Variants in SLC2A13 observed in about 807,000 individuals in gnomAD.
SLC2A13 encodes proton myo-inositol cotransporter.
Under a neutral mutation model 64.4 loss-of-function variants are expected in SLC2A13, and 32 were observed. That is an observed-to-expected ratio of 0.50 (90% CI 0.37 to 0.67). SLC2A13 has a LOEUF of 0.67. Among genes scored for constraint, SLC2A13 ranks in the 30% least tolerant of loss-of-function variants. The pLI is 0.00. For missense variants in SLC2A13, 743 were observed against 829.2 expected (o/e 0.90, Z 1.28); for synonymous variants, 338 against 327.1 (o/e 1.03, Z -0.36).
chr12:39,820,609 C>T (rs1942463938), intron 7 of SLC2A13, among the ~76,000 whole-genome samples: 1 of 151,768 alleles, frequency 6.6e-6, no homozygotes. Flanking sequence ...AATTTTATTT[C>T]ATTTATGCTG....
chr12:40,015,442 T>C (rs551523990), intron 3 of SLC2A13, among the ~76,000 whole-genome samples: 1 of 152,332 alleles, frequency 6.6e-6, no homozygotes, highest in East Asian at 1.9e-4. Flanking sequence ...CCTGAGTAGC[T>C]TACTAATTCA....
At chr12:39,965,456 G>A (rs994098082) in intron 3 of SLC2A13, among the ~76,000 whole-genome samples, 7 of 152,148 alleles carry the variant, frequency 4.6e-5, no homozygotes, top group African/African-American at 1.7e-4. Flanking sequence ...CACAGTGAAA[G>A]AGCCTGAGTA....
chr12:40,065,534 G>A (rs1020459436), intron 1 of SLC2A13, among the ~76,000 whole-genome samples: 1 of 152,082 alleles, frequency 6.6e-6, no homozygotes, highest in African/African-American at 2.4e-5. Context: ...GCAGTGAGCT[G>A]TGATCATATC....
chr12:39,894,033 C>T (rs1200293526), intron 4 of SLC2A13, among the ~76,000 whole-genome samples: 3 of 152,144 alleles, frequency 2.0e-5, no homozygotes, highest in Non-Finnish European at 4.4e-5. Context: ...ATGTGTAGTA[C>T]ATTTGATAGG....
intron 7 of SLC2A13, among the ~76,000 whole-genome samples, chr12:39,807,108 A>T (rs1202413980): frequency 6.7e-6 from 1 of 148,638 alleles, no homozygotes; most frequent in Non-Finnish European, 1.5e-5. Flanking sequence ...AGGTTGGTGG[A>T]AAAGTAATTA....
At chr12:40,095,253 CCA>C (rs1938901278) in intron 1 of SLC2A13, among the ~76,000 whole-genome samples, 1 of 152,106 alleles carries the variant, frequency 6.6e-6, no homozygotes, top group South Asian at 2.1e-4. Flanking sequence ...AAGTATCTTG[CCA>C]CAGTGTTTTG....
In SLC2A13 at chr12:40,105,760, T is replaced by C; in HGVS notation, c.49A>G (p.Ser17Gly). The change falls in exon 1 of 10, where the codon AGC (serine) becomes GGC (glycine). Residue 17 changes from serine (S) to glycine (G), a missense_variant. Physicochemically the swap from Ser to Gly is moderately conservative, Grantham distance 56. Coordinates refer to ENST00000280871, the MANE Select transcript of SLC2A13 (RefSeq NM_052885.4). The surrounding 1 kb of genome is among the most constrained non-coding windows in gnomAD (Gnocchi z 4.2). ...CTGCGCCGCTCGCCCATCAGGCTGC[T>C]CAGGCTCCGCAGCGTGTACTCCACA... ...ENVEYTLRSL[S>G]SLMGERRRKQ... 1 of 1,490,568 alleles carries C rather than the reference T, an allele frequency of 6.7e-7. No individual in the cohort carries two copies. Among genetic ancestry groups the C allele is most frequent in the Non-Finnish European group, 8.9e-7 (1 of 1,120,698 alleles). 92.3% of individuals were successfully genotyped at this position (1,490,568 alleles called of 1,614,324 possible).
rs1407228724 is a variant in SLC2A13, at chr12:40,028,643, G to C, written c.717-134C>G. On this transcript the variant is annotated intron_variant, in intron 2 of 9. Coordinates refer to ENST00000280871, the MANE Select transcript of SLC2A13 (RefSeq NM_052885.4). ...GCCAGAATTATTTGTGCATTTATGT[G>C]TGTGTCTGTCACTAGGAAAAAAGGA... 3.8e-6 allele frequency: 3 copies of C among 780,080 alleles called. No homozygotes were observed. In the East Asian group the frequency reaches 8.2e-5, roughly 21 times the overall value. 48.3% of individuals were successfully genotyped at this position (780,080 alleles called of 1,614,324 possible). A position where few individuals can be genotyped will look rare whatever the true frequency, so the allele number is the denominator to read the frequency against.
chr12:39,936,639 T>C lies in SLC2A13; in HGVS notation c.1034+14618A>G, dbSNP rs912715016. 2.6e-5 allele frequency among the ~76,000 whole-genome samples: 4 copies of C among 152,114 alleles called. No homozygotes were observed. In the South Asian group the frequency reaches 8.3e-4, roughly 32 times the overall value. Reference sequence around the variant, plus strand: ...CTGACAGAAAATGGAATGAAGATCATAGGAAGGATACAAGAGATATTAGGG... The same window carrying C: ...CTGACAGAAAATGGAATGAAGATCACAGGAAGGATACAAGAGATATTAGGG... On this transcript the variant is annotated intron_variant, in intron 4 of 9. Coordinates refer to ENST00000280871, the MANE Select transcript of SLC2A13 (RefSeq NM_052885.4).
chr12:39,858,609 T>C (rs1478321302), intron 6 of SLC2A13, among the ~76,000 whole-genome samples: 1 of 152,134 alleles, frequency 6.6e-6, no homozygotes, highest in African/African-American at 2.4e-5. Flanking sequence ...ACACATTTCT[T>C]TTTGTTTGTT....
chr12:40,009,594 C>T (rs954936980), intron 3 of SLC2A13, among the ~76,000 whole-genome samples: 4 of 151,978 alleles, frequency 2.6e-5, no homozygotes, highest in African/African-American at 9.7e-5. Flanking sequence ...CACACCCAGC[C>T]AATTTTTTAA....
At chr12:40,008,572 C>A (rs1288489217) in intron 3 of SLC2A13, among the ~76,000 whole-genome samples, 1 of 150,756 alleles carries the variant, frequency 6.6e-6, no homozygotes, top group Non-Finnish European at 1.5e-5. Flanking sequence ...GGTTTCACCA[C>A]TACACTCCAG....
At chr12:40,033,989 C>A (rs1947941092) in intron 2 of SLC2A13, among the ~76,000 whole-genome samples, 1 of 152,164 alleles carries the variant, frequency 6.6e-6, no homozygotes, top group South Asian at 2.1e-4. Context: ...TTTCCCTTCT[C>A]CCCTATGTTC....
At chr12:39,812,123 T>A (rs1328729166) in intron 7 of SLC2A13, among the ~76,000 whole-genome samples, 1 of 152,090 alleles carries the variant, frequency 6.6e-6, no homozygotes, top group Non-Finnish European at 1.5e-5. Flanking sequence ...AAGTCCAAGA[T>A]CTAGGCACAA....
At chr12:40,099,668 A>G (rs1047487491) in intron 1 of SLC2A13, among the ~76,000 whole-genome samples, 2 of 152,208 alleles carry the variant, frequency 1.3e-5, no homozygotes, top group Non-Finnish European at 1.5e-5. Flanking sequence ...GTGTTGCTAT[A>G]CTACTAGGCA....
At chr12:39,978,961 C>T (rs1369142220) in intron 3 of SLC2A13, among the ~76,000 whole-genome samples, 31 of 149,114 alleles carry the variant, frequency 2.1e-4, no homozygotes, top group Middle Eastern at 3.4e-3. Flanking sequence ...TCTCCCAGCA[C>T]GCAGCTGGAG....
chr12:39,843,944 A>T (rs1271148099), intron 6 of SLC2A13, among the ~76,000 whole-genome samples: 11 of 151,918 alleles, frequency 7.2e-5, no homozygotes, highest in Admixed American at 7.2e-4. Context: ...TTTCCCCCCA[A>T]AGCATTACAA....
rs377685174 is a variant in SLC2A13, at chr12:39,905,883, GT to G, written c.1035-33923del. On this transcript the variant is annotated intron_variant, in intron 4 of 9. Transcript: ENST00000280871. ...TTCTACTGTCTCTCACAGATGAGAT[GT>G]CCTTTGAAAATTTTAACACCTCTTT... Among the ~76,000 whole-genome samples, 97 of 150,306 alleles carry G rather than the reference GT, an allele frequency of 6.5e-4. No homozygotes were observed. The East Asian group carries it at 0.015, about 24-fold the overall frequency.
At chr12:39,957,457 C>G (rs1003478765) in intron 3 of SLC2A13, among the ~76,000 whole-genome samples, 1 of 152,152 alleles carries the variant, frequency 6.6e-6, no homozygotes, top group African/African-American at 2.4e-5. Flanking sequence ...CTCCTTACGA[C>G]TGCAATTCCT....
Sources: gnomAD v4.1 joint callset for allele counts (sites outside exome capture counted in the v4.1 genomes callset) on GRCh38, gnomAD v4.1.1 for gene constraint, Gnocchi (gnomAD v3.1) non-coding constraint, MANE v1.5 for transcripts, NCBI Gene and HGNC (gene_info 2026-07-23, HGNC 2026-07-21) for gene names.